The following PSD3 variants were observed in gnomAD, a reference collection of about 807,000 sequenced individuals.
PSD3 encodes pleckstrin and Sec7 domain containing 3.
In PSD3, 49 loss-of-function variants were observed where a neutral mutation model predicts 105.5. That is an observed-to-expected ratio of 0.46 (90% CI 0.37 to 0.59). PSD3 has a LOEUF of 0.59. PSD3 is among the 20% of genes least tolerant of loss of function. The probability of loss-of-function intolerance (pLI) is 0.00; values close to 1 mark genes in which losing one functional copy is unlikely to be tolerated. For synonymous variants in PSD3, 557 were observed against 457.8 expected (o/e 1.22, Z -2.77); for missense variants, 1,561 against 1,263.8 (o/e 1.24, Z -3.57).
intron 4 of PSD3, among the ~76,000 whole-genome samples, chr8:18,817,898 C>T (rs1235896137): frequency 1.3e-5 from 2 of 152,186 alleles, no homozygotes; most frequent in Non-Finnish European, 2.9e-5. Flanking sequence ...AATATCTAAC[C>T]TAAGAAAACT....
chr8:18,605,654 A>G (rs913492431), intron 11 of PSD3, among the ~76,000 whole-genome samples: 1 of 152,054 alleles, frequency 6.6e-6, no homozygotes, highest in Non-Finnish European at 1.5e-5. Flanking sequence ...TATGGTTTAG[A>G]TCTGTGTCCC....
chr8:18,799,129 G>A (rs1810456941), intron 8 of PSD3, 166 bp downstream of exon 8: 1 of 633,188 alleles, frequency 1.6e-6, no homozygotes, highest in South Asian at 1.8e-5. Flanking sequence ...GCTAGCATGT[G>A]AAATAAAAAA....
chr8:19,074,611 A>ATATATT (rs1324257417), intron 1 of PSD3, among the ~76,000 whole-genome samples: 73 of 24,164 alleles, frequency 3.0e-3, no homozygotes, highest in African/African-American at 9.3e-3. Context: ...ATATATATAT[A>ATATATT]TTTTTTTTTT....
At chr8:18,859,848 T>C (rs188478912) in intron 4 of PSD3, among the ~76,000 whole-genome samples, 1 of 152,338 alleles carries the variant, frequency 6.6e-6, no homozygotes, top group East Asian at 1.9e-4. Flanking sequence ...ATCCAGACCA[T>C]TAAAACTTTC....
chr8:18,787,333 T>A lies in PSD3; in HGVS notation c.2082+11962A>T, dbSNP rs373383017. On this transcript the variant is annotated intron_variant, in intron 8 of 15. Coordinates refer to ENST00000327040, the MANE Select transcript of PSD3 (RefSeq NM_015310.4). ...TAAAGCATGGAGATTTGAAAATGCC[T>A]CCTGATGCATTGAGAGGTACAGAAA... Among the ~76,000 whole-genome samples, 21 of 152,324 alleles carry A rather than the reference T, an allele frequency of 1.4e-4. No individual in the cohort carries two copies. In the South Asian group the frequency reaches 4.3e-3, roughly 32 times the overall value.
intron 9 of PSD3, among the ~76,000 whole-genome samples, chr8:18,720,638 A>C (rs1246410225): frequency 3.9e-5 from 6 of 152,228 alleles, no homozygotes; most frequent in Non-Finnish European, 7.3e-5. Flanking sequence ...TGAATGTGCC[A>C]GTAAAATTAA....
At chr8:18,925,282 C>T (rs1052432031) in intron 2 of PSD3, among the ~76,000 whole-genome samples, 1 of 152,016 alleles carries the variant, frequency 6.6e-6, no homozygotes, top group Non-Finnish European at 1.5e-5. Context: ...GTGGTTTCAG[C>T]TACTCAAGAG....
chr8:18,842,239 A>G (rs1814686687), intron 4 of PSD3, among the ~76,000 whole-genome samples: 2 of 152,202 alleles, frequency 1.3e-5, no homozygotes, highest in African/African-American at 2.4e-5. Flanking sequence ...CGACATCACT[A>G]TGTGAATTCC....
chr8:18,944,090 T>C (rs535022352), intron 1 of PSD3, among the ~76,000 whole-genome samples: 1 of 152,314 alleles, frequency 6.6e-6, no homozygotes, highest in African/African-American at 2.4e-5. Context: ...TATGATGGTT[T>C]TGAAAGTTTC....
In PSD3 at chr8:18,845,471, G is replaced by A. The variant is rs142212894; in HGVS notation, c.1634+22203C>T. Among the ~76,000 whole-genome samples, 676 of 152,316 alleles carry A rather than the reference G, an allele frequency of 4.4e-3. 4 individuals are homozygous for A. Among genetic ancestry groups the A allele is most frequent in the African/African-American group, 0.015 (640 of 41,564 alleles). The stretch of plus-strand genomic sequence containing the variant: ...TCGTCACTTCCAGGTGCATAGCACG[G>A]CATTCGGAAGACAGGTGCGTCCACA... On this transcript the variant is annotated intron_variant, in intron 4 of 15. Coordinates refer to ENST00000327040, the MANE Select transcript of PSD3 (RefSeq NM_015310.4).
chr8:18,670,911 G>C (rs1173605360), intron 9 of PSD3, among the ~76,000 whole-genome samples: 2 of 152,120 alleles, frequency 1.3e-5, no homozygotes, highest in Non-Finnish European at 2.9e-5. Context: ...TGGACAATTT[G>C]AATGTTGACC....
At chr8:18,874,189 G>T (rs1327013396) in intron 2 of PSD3, among the ~76,000 whole-genome samples, 1 of 151,736 alleles carries the variant, frequency 6.6e-6, no homozygotes, top group Non-Finnish European at 1.5e-5. Context: ...TTGAGATGGA[G>T]TCTCACTCTG....
At chr8:18,598,903 A>C (rs1264416580) in intron 12 of PSD3, among the ~76,000 whole-genome samples, 1 of 152,150 alleles carries the variant, frequency 6.6e-6, no homozygotes, top group Non-Finnish European at 1.5e-5. Context: ...AGACACAAAT[A>C]AATGAAAAGA....
chr8:18,797,653 GTAT>G (rs907478513), intron 8 of PSD3, among the ~76,000 whole-genome samples: 2 of 152,118 alleles, frequency 1.3e-5, no homozygotes, highest in Non-Finnish European at 2.9e-5. Context: ...TTATGTAAAA[GTAT>G]TATTAAAGCT....
At chr8:19,072,318 C>T (rs1318251889) in intron 1 of PSD3, among the ~76,000 whole-genome samples, 3 of 151,922 alleles carry the variant, frequency 2.0e-5, no homozygotes, top group African/African-American at 7.3e-5. Context: ...AACTCCTGAG[C>T]TCACGTGATC....
intron 1 of PSD3, among the ~76,000 whole-genome samples, chr8:19,010,258 G>C (rs1415424988): frequency 1.3e-5 from 2 of 152,130 alleles, no homozygotes; most frequent in Non-Finnish European, 2.9e-5. Flanking sequence ...GTCACCAAGA[G>C]AGAAAATGCT....
chr8:18,715,537 G>T (rs1756554073), intron 9 of PSD3, among the ~76,000 whole-genome samples: 1 of 152,056 alleles, frequency 6.6e-6, no homozygotes, highest in Non-Finnish European at 1.5e-5. Context: ...ATTTTAAAAT[G>T]GAATGTTTTT....
chr8:18,940,764 G>A (rs1822483992), intron 1 of PSD3, among the ~76,000 whole-genome samples: 1 of 152,154 alleles, frequency 6.6e-6, no homozygotes, highest in Non-Finnish European at 1.5e-5. Context: ...TCCGAAGCAT[G>A]TGTGCCCCTT....
At position 18,736,748 on chromosome 8, in the gene PSD3, T is replaced by C. The variant is rs567410476; in HGVS notation, c.2172+28701A>G. Among the ~76,000 whole-genome samples, 1,059 of 152,338 alleles carry C rather than the reference T, an allele frequency of 7.0e-3. 8 individuals are homozygous for C. The highest frequency in any genetic ancestry group is 0.02 in the Middle Eastern group (6 of 294). On this transcript the variant is annotated intron_variant, in intron 9 of 15. Coordinates refer to ENST00000327040, the MANE Select transcript of PSD3 (RefSeq NM_015310.4). ...GGTTTCACCTAAGAAGAGGTAACTTTGCTGAATCATAGAAGTAATCTTCAA... is the reference window on the plus strand; with the variant it reads ...GGTTTCACCTAAGAAGAGGTAACTTCGCTGAATCATAGAAGTAATCTTCAA...
Sources: gnomAD v4.1 joint callset for allele counts (sites outside exome capture counted in the v4.1 genomes callset) on GRCh38, gnomAD v4.1.1 for gene constraint, MANE v1.5 for transcripts, NCBI Gene and HGNC (gene_info 2026-07-23, HGNC 2026-07-21) for gene names.